The following SUMF1 variants were observed in gnomAD, a reference collection of about 807,000 sequenced individuals.
SUMF1 encodes formylglycine-generating enzyme.
In SUMF1, 48 loss-of-function variants were observed where a neutral mutation model predicts 47.6. That is an observed-to-expected ratio of 1.01 (90% CI 0.80 to 1.28). The LOEUF is 1.28. Among genes scored for constraint, SUMF1 ranks in the 50% most tolerant of loss-of-function variants. The pLI is 0.00. For synonymous variants in SUMF1, 230 were observed against 192.1 expected (o/e 1.20, Z -1.63); for missense variants, 571 against 485.4 (o/e 1.18, Z -1.66).
At chr3:4,375,186 A>G (rs976478601) in intron 8 of SUMF1, among the ~76,000 whole-genome samples, 8 of 151,448 alleles carry the variant, frequency 5.3e-5, no homozygotes, top group Non-Finnish European at 1.0e-4. Flanking sequence ...ATTGGTCTAC[A>G]TCTTATTACC....
intron 8 of SUMF1, among the ~76,000 whole-genome samples, chr3:4,314,595 T>A (rs1698560601): frequency 6.6e-6 from 1 of 152,164 alleles, no homozygotes; most frequent in Non-Finnish European, 1.5e-5. Flanking sequence ...TACTTGGCTG[T>A]ACTCCAAATC....
At chr3:4,039,106 A>G (rs1694860069) in intron 9 of SUMF1, among the ~76,000 whole-genome samples, 1 of 151,206 alleles carries the variant, frequency 6.6e-6, no homozygotes, top group African/African-American at 2.4e-5. Flanking sequence ...GAAAAAAATT[A>G]CAGAGAATTG....
intron 8 of SUMF1, among the ~76,000 whole-genome samples, chr3:4,338,842 AGTGT>A (rs569648663): frequency 6.6e-6 from 1 of 151,952 alleles, no homozygotes; most frequent in African/African-American, 2.4e-5. Flanking sequence ...CCTATAATTT[AGTGT>A]GTGTGTGCAA....
intron 8 of SUMF1, among the ~76,000 whole-genome samples, chr3:4,221,864 T>A (rs891801681): frequency 6.6e-6 from 1 of 152,124 alleles, no homozygotes; most frequent in Non-Finnish European, 1.5e-5. Flanking sequence ...GTATATATAC[T>A]CAAATGTTAA....
intron 9 of SUMF1, among the ~76,000 whole-genome samples, chr3:4,054,555 G>T (rs1252993869): frequency 6.6e-6 from 1 of 152,050 alleles, no homozygotes; most frequent in African/African-American, 2.4e-5. Context: ...TTATGTGCCT[G>T]TTTTAAAAGA....
chr3:4,323,573 G>A (rs905510043), intron 8 of SUMF1, among the ~76,000 whole-genome samples: 1 of 152,128 alleles, frequency 6.6e-6, no homozygotes, highest in Non-Finnish European at 1.5e-5. Context: ...AAGAAGAAAA[G>A]GAAGGAAGAG....
chr3:4,363,358 T>A (rs150113910), intron 8 of SUMF1, among the ~76,000 whole-genome samples: 9 of 152,340 alleles, frequency 5.9e-5, no homozygotes, highest in African/African-American at 2.2e-4. Context: ...TTTTTAAAAA[T>A]ACATTGCTCT....
Position 4,248,256 on chromosome 3 carries a change from G to A in SUMF1, c.1014+128074C>T, listed in dbSNP as rs565298879. ...TCAACCTCAACATTCAGAATAGACT[G>A]TTTTAAGTCATAAAAAGCATGCCAG... On this transcript the variant is annotated intron_variant and NMD_transcript_variant, in intron 8 of 12. Coordinates refer to the SUMF1 transcript ENST00000448413. Among the ~76,000 whole-genome samples, 3 of 152,230 alleles carry A rather than the reference G, an allele frequency of 2.0e-5. No individual in the cohort carries two copies. In the East Asian group the frequency reaches 5.8e-4, roughly 29 times the overall value.
chr3:4,246,354 G>A (rs778141326), intron 8 of SUMF1, among the ~76,000 whole-genome samples: 111 of 148,362 alleles, frequency 7.5e-4, no homozygotes, highest in Middle Eastern at 6.8e-3. Flanking sequence ...ATCTCGCTGG[G>A]AGCCGTAGAC....
At chr3:4,151,556 T>TACACACAC (rs35911373) in intron 8 of SUMF1, among the ~76,000 whole-genome samples, 1,470 of 137,256 alleles carry the variant, frequency 0.011, 60 homozygotes, top group African/African-American at 0.034. Context: ...TGTGTGTATA[T>TACACACAC]ACACACACAC....
At chr3:4,066,976 C>T (rs1329522039) in intron 9 of SUMF1, among the ~76,000 whole-genome samples, 1 of 152,156 alleles carries the variant, frequency 6.6e-6, no homozygotes, top group Non-Finnish European at 1.5e-5. Context: ...AAATTAACCA[C>T]AGTCTTGATT....
At chr3:4,121,103 G>A (rs1242828198) in intron 8 of SUMF1, among the ~76,000 whole-genome samples, 1 of 152,004 alleles carries the variant, frequency 6.6e-6, no homozygotes, top group Non-Finnish European at 1.5e-5. Context: ...TGTGACCCTG[G>A]GCTAATCACA....
intron 8 of SUMF1, among the ~76,000 whole-genome samples, chr3:4,097,602 T>A (rs554257541): frequency 1.3e-5 from 2 of 152,156 alleles, no homozygotes; most frequent in African/African-American, 4.8e-5. Context: ...TATTAAAAAT[T>A]CATGTATTTT....
At chr3:4,113,287 G>C (rs1189093584) in intron 8 of SUMF1, among the ~76,000 whole-genome samples, 1 of 152,036 alleles carries the variant, frequency 6.6e-6, no homozygotes, top group Non-Finnish European at 1.5e-5. Flanking sequence ...TCAATACTTT[G>C]GGAGGCCAAG....
At chr3:4,213,496 T>G (rs1015397100) in intron 8 of SUMF1, among the ~76,000 whole-genome samples, 1 of 152,116 alleles carries the variant, frequency 6.6e-6, no homozygotes, top group Non-Finnish European at 1.5e-5. Flanking sequence ...ATGAAGAAAC[T>G]GCATCAACTA....
chr3:4,439,136 A>G (rs1463210807), intron 3 of SUMF1, among the ~76,000 whole-genome samples: 1 of 152,256 alleles, frequency 6.6e-6, no homozygotes, highest in Admixed American at 6.5e-5. Context: ...GGTCACTTAG[A>G]CATATGCAGA....
At chr3:4,191,717 G>A (rs1297994673) in intron 8 of SUMF1, among the ~76,000 whole-genome samples, 2 of 152,040 alleles carry the variant, frequency 1.3e-5, no homozygotes, top group Non-Finnish European at 1.5e-5. Flanking sequence ...CTAGATTTTT[G>A]GATTGAACAT....
chr3:4,368,668 T>A (rs1047498275), intron 8 of SUMF1, among the ~76,000 whole-genome samples: 3 of 152,180 alleles, frequency 2.0e-5, no homozygotes, highest in African/African-American at 7.2e-5. Context: ...CATGTCTTCT[T>A]TCCCACTGCC....
chr3:4,037,965 A>G (rs190458131), intron 9 of SUMF1, among the ~76,000 whole-genome samples: 2 of 152,072 alleles, frequency 1.3e-5, no homozygotes, highest in South Asian at 2.1e-4. Context: ...GTATGATCCA[A>G]TAGGTGGCAC....
Sources: gnomAD v4.1 joint callset for allele counts (sites outside exome capture counted in the v4.1 genomes callset) on GRCh38, gnomAD v4.1.1 for gene constraint, MANE v1.5 for transcripts, NCBI Gene and HGNC (gene_info 2026-07-23, HGNC 2026-07-21) for gene names.